Variants in MYH8 observed in about 807,000 individuals in gnomAD.
MYH8 encodes myosin heavy chain 8.
A neutral mutation model predicts 233.2 loss-of-function variants in MYH8; 168 were observed. The ratio of observed to expected loss-of-function variants is 0.72; its 90% CI spans 0.64 to 0.82. MYH8 has a LOEUF of 0.82. Ranked by LOEUF, MYH8 falls within the 40% of genes least tolerant of loss-of-function variation. The pLI, the probability that MYH8 is intolerant of heterozygous loss-of-function variation, is 0.00. For synonymous variants in MYH8, 785 were observed against 850.6 expected (o/e 0.92, Z 1.34); for missense variants, 1,995 against 2,327.8 (o/e 0.86, Z 2.94).
chr17:10,408,266 T>C (rs1025592439), intron 17 of MYH8, among the ~76,000 whole-genome samples: 6 of 152,022 alleles, frequency 3.9e-5, no homozygotes, highest in African/African-American at 1.5e-4. Context: ...TTCCCACAGC[T>C]CAGTTAACCA....
At chr17:10,413,801 ACAAGTCG>A (rs2142187616) in intron 12 of MYH8, 94 bp downstream of exon 12, 2 of 1,563,152 alleles carry the variant, frequency 1.3e-6, no homozygotes, top group Non-Finnish European at 1.8e-6. Flanking sequence ...TATGCCCTTC[ACAAGTCG>A]CAAGTCCAGC....
Position 10,397,270 on chromosome 17 carries a change from T to A in MYH8, c.4179-284A>T, listed in dbSNP as rs112904172. On this transcript the variant is annotated intron_variant, in intron 30 of 39. Transcript: ENST00000403437. Reference sequence around the variant, plus strand: ...TTTTGTATATATGTATATTTTTTTTTAAATAGAGACAGGGTTTCACCATAT... The same window carrying A: ...TTTTGTATATATGTATATTTTTTTTAAAATAGAGACAGGGTTTCACCATAT... Among the ~76,000 whole-genome samples the A allele has an allele frequency of 5.0e-3, 760 of 152,176 alleles. 5 individuals carry two copies. The highest frequency in any genetic ancestry group is 0.018 in the African/African-American group (729 of 41,522).
At position 10,404,626 on chromosome 17, in the gene MYH8, G is replaced by T; in HGVS notation, c.2433-41C>A. The T allele has an allele frequency of 2.5e-6, 4 of 1,611,930 alleles. No homozygotes were observed. In the South Asian group the frequency reaches 4.4e-5, roughly 18 times the overall value. On this transcript the variant is annotated intron_variant, in intron 21 of 39. Transcript: ENST00000403437. Reference sequence around the variant, plus strand: ...AATATCAGTGTAGACTAATCCATCAGAGCCAATGTTATTGTTACTTATCAC... The same window carrying T: ...AATATCAGTGTAGACTAATCCATCATAGCCAATGTTATTGTTACTTATCAC...
At position 10,399,683 on chromosome 17, in the gene MYH8, A is replaced by C; in HGVS notation, c.3736-14T>G. 1 of 1,613,876 alleles carries C rather than the reference A, an allele frequency of 6.2e-7. No individual in the cohort carries two copies. The highest frequency in any genetic ancestry group is 1.1e-5 in the South Asian group (1 of 91,088). ...TTCAAGGTTTCCCTACAGGATATGT[A>C]GCAATGAAAGATGAGACATTGAATG... On this transcript the variant is annotated splice_polypyrimidine_tract_variant and intron_variant, in intron 27 of 39. Coordinates refer to ENST00000403437, the MANE Select transcript of MYH8 (RefSeq NM_002472.3).
At chr17:10,404,187 A>G in intron 22 of MYH8, 143 bp downstream of exon 22, 1 of 1,006,416 alleles carries the variant, frequency 9.9e-7, no homozygotes, top group Middle Eastern at 3.1e-4. Flanking sequence ...TTTCTTCCCC[A>G]TAGAATACTA....
rs1022505581 is a variant in MYH8, at chr17:10,409,699, A to G, written c.1588-111T>C. The G allele has an allele frequency of 7.7e-6, 11 of 1,422,984 alleles. No homozygotes were observed. In the African/African-American group the frequency reaches 1.4e-4, roughly 18 times the overall value. The allele number at this position is 1,422,984 out of a possible 1,614,324, so 88.1% of individuals were successfully genotyped here. ...GCACCCCAATTAAATATATGTATGAAATAAACCAGGGTCACAGCTCGAAGA... is the reference window on the plus strand; with the variant it reads ...GCACCCCAATTAAATATATGTATGAGATAAACCAGGGTCACAGCTCGAAGA... On this transcript the variant is annotated intron_variant, in intron 15 of 39. Coordinates refer to ENST00000403437, the MANE Select transcript of MYH8 (RefSeq NM_002472.3).
intron 30 of MYH8, 98 bp downstream of exon 30, chr17:10,398,346 A>C: frequency 6.4e-7 from 1 of 1,561,818 alleles, no homozygotes; most frequent in East Asian, 2.2e-5. Flanking sequence ...CACAGTATGC[A>C]CTCAATAAAT....
At position 10,419,542 on chromosome 17, in the gene MYH8, T is replaced by G. The variant is rs1294093744; in HGVS notation, c.210+476A>C. 6.6e-6 allele frequency among the ~76,000 whole-genome samples: 1 copy of G among 152,230 alleles called. No individual in the cohort carries two copies. The highest frequency in any genetic ancestry group is 1.5e-5 in the Non-Finnish European group (1 of 68,046). On this transcript the variant is annotated intron_variant, in intron 3 of 39. Coordinates refer to ENST00000403437, the MANE Select transcript of MYH8 (RefSeq NM_002472.3). This position sits in a 1 kb window ranked among gnomAD's most constrained non-coding sequence, Gnocchi z 4.0. ...TTTCCTATGATGAGCTAGGACACTA[T>G]CTTTTTAAAAGATTTTTTCCTCCCA... is the stretch of plus-strand genomic sequence containing the variant.
At chr17:10,401,993 C>G (rs558246175) in intron 22 of MYH8, among the ~76,000 whole-genome samples, 60 of 152,152 alleles carry the variant, frequency 3.9e-4, no homozygotes, top group African/African-American at 1.2e-3. Context: ...AACTAGTTTG[C>G]AAAGTTATTG....
At chr17:10,414,809 C>T (rs2072275097) in intron 9 of MYH8, among the ~76,000 whole-genome samples, 1 of 152,146 alleles carries the variant, frequency 6.6e-6, no homozygotes, top group Non-Finnish European at 1.5e-5. Context: ...TACCAAAACT[C>T]AGATCAGGAG....
intron 30 of MYH8, 151 bp from the exon 31 acceptor site, chr17:10,397,137 G>A (rs1436972025): frequency 2.1e-6 from 2 of 956,834 alleles, no homozygotes; most frequent in African/African-American, 3.3e-5. Context: ...ATGCTGGAGT[G>A]CAGTGGTGCA....
intron 22 of MYH8, among the ~76,000 whole-genome samples, chr17:10,403,617 A>G (rs2072161544): frequency 6.6e-6 from 1 of 152,170 alleles, no homozygotes; most frequent in Non-Finnish European, 1.5e-5. Flanking sequence ...ACCTTCATAT[A>G]AATGAAGGTA....
Position 10,414,379 on chromosome 17 carries a change from T to G in MYH8, c.904+7A>C, listed in dbSNP as rs1435399033. On this transcript the variant is annotated splice_region_variant and intron_variant, in intron 10 of 39. Transcript: ENST00000403437. ...ACTTCTATCTATGACTTTAAGTTCTTTCTTACCAATTAGATCTGGCTTCTT... is the reference window on the plus strand; with the variant it reads ...ACTTCTATCTATGACTTTAAGTTCTGTCTTACCAATTAGATCTGGCTTCTT... 27 of 1,605,860 alleles carry G rather than the reference T, an allele frequency of 1.7e-5. No homozygotes were observed. Among genetic ancestry groups the G allele is most frequent in the Non-Finnish European group, 2.0e-5 (24 of 1,172,582 alleles).
chr17:10,418,584 C>A (rs1415037760), intron 5 of MYH8, 61 bp downstream of exon 5: 1 of 1,611,900 alleles, frequency 6.2e-7, no homozygotes, highest in African/African-American at 1.3e-5. Flanking sequence ...CGGAAGAGGT[C>A]TGTCTGTTCT....
In MYH8 at chr17:10,404,314, A is replaced by T; in HGVS notation, c.2688+16T>A. On this transcript the variant is annotated intron_variant, in intron 22 of 39. Coordinates refer to ENST00000403437, the MANE Select transcript of MYH8 (RefSeq NM_002472.3). Reference sequence around the variant, plus strand: ...AGCTTCAGTAACATGGTGCATTCAGAATATGGAGTACTCACAGATTGAACC... The same window carrying T: ...AGCTTCAGTAACATGGTGCATTCAGTATATGGAGTACTCACAGATTGAACC... 1 of 1,613,884 alleles carries T rather than the reference A, an allele frequency of 6.2e-7. No individual in the cohort carries two copies. Among genetic ancestry groups the T allele is most frequent in the Non-Finnish European group, 8.5e-7 (1 of 1,179,816 alleles).
rs772183801 is a variant in MYH8 at position 10,400,496 on chromosome 17, A to G, written c.3629T>C (p.Ile1210Thr). The G allele has an allele frequency of 6.2e-6, 10 of 1,614,112 alleles. No individual in the cohort carries two copies. The highest frequency in any genetic ancestry group is 3.3e-5 in the South Asian group (3 of 91,070). The change falls in exon 27 of 40, where the codon ATT becomes ACT. Residue 1210 changes from isoleucine (I) to threonine (T), a missense_variant. This residue lies in a region of MYH8 where 1,498 missense variants were observed against 1,680.9 expected (regional missense o/e 0.89). Transcript: ENST00000403437. This position sits in a 1 kb window ranked among gnomAD's most constrained non-coding sequence, Gnocchi z 4.0. ...ADSMAELGEQ[I>T]DNLQRVKQKL... Reference sequence around the variant, plus strand: ...CTGTTTGACCCGCTGCAAGTTGTCAATCTGCTCCCCAAGCTCAGCCATACT... The same window carrying G: ...CTGTTTGACCCGCTGCAAGTTGTCAGTCTGCTCCCCAAGCTCAGCCATACT...
At chr17:10,395,545 C>T in intron 33 of MYH8, 104 bp from the exon 34 acceptor site, 1 of 1,190,000 alleles carries the variant, frequency 8.4e-7, no homozygotes. Context: ...TCTAATTTTA[C>T]AAAGTATAAT....
At chr17:10,399,436 A>T in intron 28 of MYH8, 107 bp downstream of exon 28, 1 of 1,585,628 alleles carries the variant, frequency 6.3e-7, no homozygotes, top group Non-Finnish European at 8.6e-7. Context: ...GCAAACTCTG[A>T]TCATTTGTTT....
chr17:10,414,005 C>T lies in MYH8; in HGVS notation c.1044G>A (p.Glu348=). 5.6e-6 allele frequency: 9 copies of T among 1,614,140 alleles called. No individual in the cohort carries two copies. Among genetic ancestry groups the T allele is most frequent in the Non-Finnish European group, 7.6e-6 (9 of 1,180,034 alleles). The part of the protein sequence containing the change: ...AIDILGFTPE[E]KVSIYKLTGA... ...CTGTGAGTTTATAGATGGACACTTT[C>T]TCTTCAGGAGTGAAGCCCAGGATGT... Residue 348 remains glutamate, a synonymous_variant, in exon 12 of 40, where the codon GAG becomes GAA. Transcript: ENST00000403437.
Sources: gnomAD v4.1 joint callset for allele counts (sites outside exome capture counted in the v4.1 genomes callset) on GRCh38, gnomAD v4.1.1 for gene constraint, gnomAD v4.1.1 regional missense constraint, Gnocchi (gnomAD v3.1) non-coding constraint, MANE v1.5 for transcripts, NCBI Gene and HGNC (gene_info 2026-07-23, HGNC 2026-07-21) for gene names.